The following GALNT18 variants were observed in gnomAD, a reference collection of about 807,000 sequenced individuals.
GALNT18 encodes polypeptide N-acetylgalactosaminyltransferase 18.
A neutral mutation model predicts 69.5 loss-of-function variants in GALNT18; 44 were observed. That is an observed-to-expected ratio of 0.63 (90% CI 0.50 to 0.81). The LOEUF (loss-of-function observed/expected upper bound fraction) is 0.81. GALNT18 is among the 40% of genes least tolerant of loss of function. The probability of loss-of-function intolerance (pLI) is 0.00; values close to 1 mark genes in which losing one functional copy is unlikely to be tolerated. For missense variants in GALNT18, 715 were observed against 810.0 expected (o/e 0.88, Z 1.42); for synonymous variants, 364 against 318.2 (o/e 1.14, Z -1.53).
chr11:11,400,658 T>C (rs1267626420), intron 3 of GALNT18, among the ~76,000 whole-genome samples: 2 of 152,074 alleles, frequency 1.3e-5, no homozygotes, highest in Non-Finnish European at 2.9e-5. Flanking sequence ...GTCTTCTTGC[T>C]GTGTCCTCAC....
chr11:11,405,684 C>T (rs941236977), intron 3 of GALNT18, among the ~76,000 whole-genome samples: 12 of 152,178 alleles, frequency 7.9e-5, no homozygotes, highest in South Asian at 2.1e-4. Context: ...CCTCTGAGGG[C>T]GCCTTTTGTC....
At chr11:11,499,485 G>T (rs923258) in intron 1 of GALNT18, among the ~76,000 whole-genome samples, 1,928 of 152,048 alleles carry the variant, frequency 0.013, 40 homozygotes, top group African/African-American at 0.044. Flanking sequence ...AGATGTAGCT[G>T]CATCAGCATT....
At chr11:11,308,013 C>G (rs955653417) in intron 9 of GALNT18, among the ~76,000 whole-genome samples, 1 of 152,210 alleles carries the variant, frequency 6.6e-6, no homozygotes, top group African/African-American at 2.4e-5. Flanking sequence ...TTGTTTCTCT[C>G]AGTCTGATTC....
At position 11,563,007 on chromosome 11, in the gene GALNT18, T is replaced by C. The variant is rs902633950; in HGVS notation, c.235+58352A>G. ...ATGTGCTCTTTCTCTCCGTGCCTTC[T>C]ACAATTTGCCAACTTGGTCCTGACG... On this transcript the variant is annotated intron_variant, in intron 1 of 10. Coordinates refer to ENST00000227756, the MANE Select transcript of GALNT18 (RefSeq NM_198516.3). This position sits in a 1 kb window ranked among gnomAD's most constrained non-coding sequence, Gnocchi z 4.6. Among the ~76,000 whole-genome samples the C allele has an allele frequency of 2.0e-5, 3 of 152,164 alleles. No homozygotes were observed. Among genetic ancestry groups the C allele is most frequent in the Non-Finnish European group, 2.9e-5 (2 of 68,038 alleles).
At chr11:11,437,081 G>C (rs1240898871) in intron 2 of GALNT18, among the ~76,000 whole-genome samples, 1 of 152,074 alleles carries the variant, frequency 6.6e-6, no homozygotes, top group East Asian at 1.9e-4. Flanking sequence ...CCTCCCCTCT[G>C]CCCTGATGTC....
At position 11,523,198 on chromosome 11, in the gene GALNT18, G is replaced by C. The variant is rs1417311682; in HGVS notation, c.236-74262C>G. ...TGCCACCCACAGACATTATGAACTT[G>C]AGAAAGTCATTTCACTTTCTTTCAA... is the stretch of plus-strand genomic sequence containing the variant. On this transcript the variant is annotated intron_variant, in intron 1 of 10. Coordinates refer to ENST00000227756, the MANE Select transcript of GALNT18 (RefSeq NM_198516.3). The surrounding 1 kb of genome is among the most constrained non-coding windows in gnomAD (Gnocchi z 4.3). 2.0e-5 allele frequency among the ~76,000 whole-genome samples: 3 copies of C among 152,156 alleles called. No homozygotes were observed. Among genetic ancestry groups the C allele is most frequent in the Non-Finnish European group, 4.4e-5 (3 of 68,034 alleles).
chr11:11,342,670 T>C (rs1850230421), intron 6 of GALNT18, among the ~76,000 whole-genome samples: 2 of 152,202 alleles, frequency 1.3e-5, no homozygotes, highest in Non-Finnish European at 2.9e-5. Context: ...TCATTGAGCG[T>C]CTCCTATGTG....
rs1283698747 is a variant in GALNT18, at chr11:11,546,632, C to T, written c.235+74727G>A. 6.6e-6 allele frequency among the ~76,000 whole-genome samples: 1 copy of T among 152,214 alleles called. No individual in the cohort carries two copies. The highest frequency in any genetic ancestry group is 2.4e-5 in the African/African-American group (1 of 41,456). On this transcript the variant is annotated intron_variant, in intron 1 of 10. Transcript: ENST00000227756. The surrounding 1 kb of genome is among the most constrained non-coding windows in gnomAD (Gnocchi z 5.8). ...CCCAACCCAGATCCAGCCAACCTAC[C>T]TAGTGTTATCTACTGTCCACATACT...
chr11:11,594,620 T>C (rs537226797), intron 1 of GALNT18, among the ~76,000 whole-genome samples: 41 of 152,290 alleles, frequency 2.7e-4, no homozygotes, highest in South Asian at 8.3e-4. Flanking sequence ...TTTATCCATG[T>C]TGTAGCATGT....
At position 11,601,225 on chromosome 11, in the gene GALNT18, C is replaced by T. The variant is rs1017715612; in HGVS notation, c.235+20134G>A. Among the ~76,000 whole-genome samples, 1 of 152,316 alleles carries T rather than the reference C, an allele frequency of 6.6e-6. No individual in the cohort carries two copies. On this transcript the variant is annotated intron_variant, in intron 1 of 10. Coordinates refer to ENST00000227756, the MANE Select transcript of GALNT18 (RefSeq NM_198516.3). This position sits in a 1 kb window ranked among gnomAD's most constrained non-coding sequence, Gnocchi z 4.0. ...GACATTTTAGATACTATATTTTAGA[C>T]ACTTTGAATACTGATTAATCCCCCA...
chr11:11,355,905 G>A (rs1217050214), intron 6 of GALNT18, among the ~76,000 whole-genome samples: 1 of 152,238 alleles, frequency 6.6e-6, no homozygotes, highest in Non-Finnish European at 1.5e-5. Flanking sequence ...AGTGAATGGT[G>A]TTCCTGGGCC....
intron 6 of GALNT18, among the ~76,000 whole-genome samples, chr11:11,353,921 A>C (rs1484113669): frequency 6.6e-6 from 1 of 152,138 alleles, no homozygotes; most frequent in Non-Finnish European, 1.5e-5. Flanking sequence ...CATCAGAGGA[A>C]TGTCTGGTGT....
intron 10 of GALNT18, among the ~76,000 whole-genome samples, chr11:11,280,518 G>C (rs964285946): frequency 6.6e-6 from 1 of 152,100 alleles, no homozygotes; most frequent in East Asian, 1.9e-4. Flanking sequence ...CTCCCCTGAG[G>C]CTTCCCCAGC....
intron 9 of GALNT18, among the ~76,000 whole-genome samples, chr11:11,319,376 C>T (rs1001902006): frequency 6.6e-6 from 1 of 152,162 alleles, no homozygotes; most frequent in African/African-American, 2.4e-5. Flanking sequence ...GTTGCTAGCA[C>T]CAGAATATAG....
intron 6 of GALNT18, chr11:11,352,612 T>C (rs1850436500): frequency 6.2e-7 from 1 of 1,614,176 alleles, no homozygotes; most frequent in African/African-American, 1.3e-5. Flanking sequence ...AGTCGTAGCT[T>C]TCTGTGCTCA....
chr11:11,373,966 G>C (rs1284889927), intron 5 of GALNT18, among the ~76,000 whole-genome samples: 1 of 152,200 alleles, frequency 6.6e-6, no homozygotes, highest in African/African-American at 2.4e-5. Context: ...TTTGAAAATG[G>C]AAACTTATCA....
At chr11:11,350,990 G>A (rs1431970667) in intron 6 of GALNT18, among the ~76,000 whole-genome samples, 3 of 152,194 alleles carry the variant, frequency 2.0e-5, no homozygotes. Flanking sequence ...AAGAGGCAAG[G>A]TGACCAAAGA....
intron 9 of GALNT18, among the ~76,000 whole-genome samples, chr11:11,303,546 C>T (rs1165488049): frequency 6.6e-6 from 1 of 152,044 alleles, no homozygotes; most frequent in Non-Finnish European, 1.5e-5. Context: ...GTCCTCAGCA[C>T]TGATACTAGA....
At chr11:11,473,036 A>G (rs1362971938) in intron 1 of GALNT18, among the ~76,000 whole-genome samples, 1 of 152,086 alleles carries the variant, frequency 6.6e-6, no homozygotes, top group Non-Finnish European at 1.5e-5. Flanking sequence ...AGCAGGAGGC[A>G]GGGGTGCCAT....
Sources: gnomAD v4.1 joint callset for allele counts (sites outside exome capture counted in the v4.1 genomes callset) on GRCh38, gnomAD v4.1.1 for gene constraint, Gnocchi (gnomAD v3.1) non-coding constraint, MANE v1.5 for transcripts, NCBI Gene and HGNC (gene_info 2026-07-23, HGNC 2026-07-21) for gene names.